SRGAP3: variants seen among roughly 807,000 people sequenced by gnomAD.
The protein encoded by SRGAP3 is SLIT-ROBO Rho GTPase-activating protein 3.
In SRGAP3, 39 loss-of-function variants were observed where a neutral mutation model predicts 121.1. The observed-to-expected ratio is 0.32, with a 90% CI of 0.25 to 0.42. The LOEUF is 0.42. Ranked by LOEUF, SRGAP3 falls within the 10% of genes least tolerant of loss-of-function variation. The pLI, the probability that SRGAP3 is intolerant of heterozygous loss-of-function variation, is 1.00. For missense variants in SRGAP3, 1,213 were observed against 1,470.6 expected, an observed-to-expected ratio of 0.82 and a Z score of 2.86; for synonymous variants, 601 against 570.0, an observed-to-expected ratio of 1.05 and a Z score of -0.77.
chr3:9,145,914 C>T (rs1226130225), intron 1 of SRGAP3, among the ~76,000 whole-genome samples: 8 of 152,194 alleles, frequency 5.3e-5, no homozygotes, highest in Middle Eastern at 3.4e-3. Context: ...CAGGGACTGG[C>T]GAGGGGTTCA....
At chr3:9,246,452 A>G (rs1321708849) in intron 1 of SRGAP3, among the ~76,000 whole-genome samples, 1 of 152,238 alleles carries the variant, frequency 6.6e-6, no homozygotes, top group Non-Finnish European at 1.5e-5. Flanking sequence ...CAAAACTGCC[A>G]TCTGCTGCTG....
intron 12 of SRGAP3, among the ~76,000 whole-genome samples, chr3:9,029,224 C>T (rs1189380706): frequency 6.6e-6 from 1 of 152,300 alleles, no homozygotes; most frequent in Non-Finnish European, 1.5e-5. Context: ...CCATCCAGTG[C>T]TCTAGAAACA....
intron 1 of SRGAP3, among the ~76,000 whole-genome samples, chr3:9,155,244 G>T (rs1560287745): frequency 6.6e-6 from 1 of 152,170 alleles, no homozygotes. Context: ...CCTTTTGGCA[G>T]CTGGCTGTTG....
At chr3:9,346,388 A>G (rs1004852147) in intron 1 of SRGAP3, among the ~76,000 whole-genome samples, 1 of 152,010 alleles carries the variant, frequency 6.6e-6, no homozygotes, top group African/African-American at 2.4e-5. Context: ...GACTATAGGC[A>G]CTTGCCAGCA....
intron 1 of SRGAP3, among the ~76,000 whole-genome samples, chr3:9,242,666 T>C (rs1953687355): frequency 6.6e-6 from 1 of 152,066 alleles, no homozygotes; most frequent in Admixed American, 6.5e-5. Context: ...ACAAAAACAC[T>C]GAGCTATGAG....
rs1251261278 is a variant in SRGAP3, at chr3:9,013,378, T to C, written c.2077A>G (p.Ile693Val). Residue 693 changes from isoleucine (I) to valine (V), a missense_variant, in exon 17 of 22, where the codon ATC (isoleucine) becomes GTC (valine). Coordinates refer to ENST00000383836, the MANE Select transcript of SRGAP3 (RefSeq NM_014850.4). ...IKTIIIHHEA[I>V]FPSPRELEGP... ...TCTAGCTCCCGGGGGCTGGGGAAGATGGCTTCATGATGGATGATGATGGTT... is the reference window on the plus strand; with the variant it reads ...TCTAGCTCCCGGGGGCTGGGGAAGACGGCTTCATGATGGATGATGATGGTT... The C allele has an allele frequency of 1.9e-6, 3 of 1,614,144 alleles. No homozygotes were observed. Among genetic ancestry groups the C allele is most frequent in the Non-Finnish European group, 2.5e-6 (3 of 1,180,028 alleles).
At chr3:9,346,208 T>TAG in intron 1 of SRGAP3, among the ~76,000 whole-genome samples, 1 of 152,172 alleles carries the variant, frequency 6.6e-6, no homozygotes, top group East Asian at 1.9e-4. Flanking sequence ...TTTAGTATGT[T>TAG]AAAGTGTAAT....
At chr3:8,996,710 T>A (rs1366423325) in intron 18 of SRGAP3, among the ~76,000 whole-genome samples, 1 of 152,228 alleles carries the variant, frequency 6.6e-6, no homozygotes, top group African/African-American at 2.4e-5. Context: ...GGCCGTGTGC[T>A]GGAACTGCCT....
intron 1 of SRGAP3, among the ~76,000 whole-genome samples, chr3:9,203,004 G>A (rs1279406598): frequency 6.6e-6 from 1 of 152,170 alleles, no homozygotes; most frequent in East Asian, 1.9e-4. Flanking sequence ...AGCAACCCTT[G>A]TGGGATCAGC....
chr3:9,110,955 G>A (rs1185826625), intron 2 of SRGAP3, among the ~76,000 whole-genome samples: 1 of 152,244 alleles, frequency 6.6e-6, no homozygotes, highest in Non-Finnish European at 1.5e-5. Flanking sequence ...TGCTAGCTGT[G>A]GACTCCGGGC....
chr3:9,013,499 G>C lies in SRGAP3; in HGVS notation c.1956C>G (p.Pro652=). The change falls in exon 17 of 22, where the codon CCC becomes CCG. Residue 652 remains proline, a synonymous_variant. Transcript: ENST00000383836. ...SQYSDENMMD[P]YNLAICFGPT... ...GCCCGAAGCAGATGGCCAGGTTGTAGGGATCCATCATGTTCTCGTCGCTAT... is the reference window on the plus strand; with the variant it reads ...GCCCGAAGCAGATGGCCAGGTTGTACGGATCCATCATGTTCTCGTCGCTAT... 1 of 1,614,094 alleles carries C rather than the reference G, an allele frequency of 6.2e-7. No homozygotes were observed. Among genetic ancestry groups the C allele is most frequent in the East Asian group, 2.2e-5 (1 of 44,842 alleles).
In SRGAP3 at chr3:8,981,789, TTTC is replaced by T. The variant is rs1470327551; in HGVS notation, c.*3727_*3729del. On this transcript the variant is annotated 3_prime_UTR_variant, in exon 22 of 22. Transcript: ENST00000383836. ...TTCCCTGTGTCTCTTCCCACTCCGA[TTTC>T]TTCATTGAATAGAAACCTTTCATCC... is the stretch of plus-strand genomic sequence containing the variant. 2 of 229,496 alleles carry T rather than the reference TTTC, an allele frequency of 8.7e-6. No homozygotes were observed. Among genetic ancestry groups the T allele is most frequent in the African/African-American group, 4.4e-5 (2 of 45,142 alleles). The allele number at this position is 229,496 out of a possible 1,614,324, so 14.2% of individuals were successfully genotyped here.
At chr3:9,075,339 T>G (rs1946912562) in intron 4 of SRGAP3, among the ~76,000 whole-genome samples, 1 of 152,146 alleles carries the variant, frequency 6.6e-6, no homozygotes. Context: ...TGTGCTAGTG[T>G]GTGGTGCATG....
chr3:8,990,857 G>A lies in SRGAP3; in HGVS notation c.2559-18C>T. 1 of 1,496,034 alleles carries A rather than the reference G, an allele frequency of 6.7e-7. No individual in the cohort carries two copies. Among genetic ancestry groups the A allele is most frequent in the East Asian group, 2.3e-5 (1 of 43,404 alleles). 92.7% of individuals were successfully genotyped at this position (1,496,034 alleles called of 1,614,324 possible). On this transcript the variant is annotated intron_variant, in intron 20 of 21. Transcript: ENST00000383836. ...ACCGCACTCTGCAAAGGAGCCAGGG[G>A]GCGAGGGGCATGGGGCAGAGGTCAA...
intron 3 of SRGAP3, among the ~76,000 whole-genome samples, chr3:9,324,125 G>A (rs1253806848): frequency 6.6e-6 from 1 of 151,928 alleles, no homozygotes; most frequent in Non-Finnish European, 1.5e-5. Flanking sequence ...GTCTATGAGT[G>A]GTTGAAGTAT....
At chr3:9,294,428 G>A (rs1490476706) in intron 3 of SRGAP3, among the ~76,000 whole-genome samples, 1 of 152,082 alleles carries the variant, frequency 6.6e-6, no homozygotes, top group African/African-American at 2.4e-5. Context: ...TAGGTACTAG[G>A]CTTAATACTT....
At chr3:9,197,631 T>C (rs17050161) in intron 1 of SRGAP3, among the ~76,000 whole-genome samples, 5,335 of 152,330 alleles carry the variant, frequency 0.035, 328 homozygotes, top group African/African-American at 0.12. Flanking sequence ...GAAGACCATG[T>C]AACTTGTCTA....
chr3:9,323,681 G>A (rs1955471388), intron 3 of SRGAP3, among the ~76,000 whole-genome samples: 1 of 151,444 alleles, frequency 6.6e-6, no homozygotes, highest in Non-Finnish European at 1.5e-5. Flanking sequence ...ACAAATTCTG[G>A]GATGAGAAGG....
At chr3:9,121,802 G>A (rs1437674361) in intron 2 of SRGAP3, among the ~76,000 whole-genome samples, 1 of 152,180 alleles carries the variant, frequency 6.6e-6, no homozygotes, top group Non-Finnish European at 1.5e-5. Flanking sequence ...GAGCGGACAG[G>A]AGAGATGCTC....
Sources: allele counts gnomAD v4.1 joint callset (sites outside exome capture counted in the v4.1 genomes callset), GRCh38; gene constraint gnomAD v4.1.1; transcripts MANE v1.5; gene names NCBI Gene and HGNC (gene_info 2026-07-23, HGNC 2026-07-21).